MANBA: variants seen among roughly 807,000 people sequenced by gnomAD.
MANBA encodes beta-mannosidase.
In MANBA, 83 loss-of-function variants were observed where a neutral mutation model predicts 111.1. That is an observed-to-expected ratio of 0.75 (90% CI 0.63 to 0.90). The LOEUF (loss-of-function observed/expected upper bound fraction) is 0.90. Ranked by LOEUF, MANBA falls within the 40% of genes least tolerant of loss-of-function variation. The pLI is 0.00. For missense variants in MANBA, 1,036 were observed against 1,069.0 expected (o/e 0.97, Z 0.43); for synonymous variants, 370 against 378.7 (o/e 0.98, Z 0.27).
At chr4:102,661,591 A>C (rs1463992787) in intron 11 of MANBA, among the ~76,000 whole-genome samples, 1 of 152,254 alleles carries the variant, frequency 6.6e-6, no homozygotes, top group African/African-American at 2.4e-5. Context: ...TTGATTGATC[A>C]AGCTTGACAG....
chr4:102,752,403 T>C, intron 1 of MANBA: 1 of 1,072,632 alleles, frequency 9.3e-7, no homozygotes, highest in Non-Finnish European at 1.5e-6. Flanking sequence ...TAACTTCAAA[T>C]ACAGGTTGCG....
At chr4:102,760,236 T>A (rs1180125100) in intron 1 of MANBA, among the ~76,000 whole-genome samples, 1 of 152,218 alleles carries the variant, frequency 6.6e-6, no homozygotes, top group African/African-American at 2.4e-5. Context: ...CCACAACGTC[T>A]GTGCTGCGTC....
intron 7 of MANBA, among the ~76,000 whole-genome samples, chr4:102,687,809 C>G (rs1301112926): frequency 6.6e-6 from 1 of 152,158 alleles, no homozygotes; most frequent in Non-Finnish European, 1.5e-5. Context: ...AGTCACAGCT[C>G]TATCACCAGC....
rs779484986 is a variant in MANBA, at chr4:102,632,247, A to G, written c.2450T>C (p.Phe817Ser). The G allele has an allele frequency of 2.5e-6, 4 of 1,613,642 alleles. No homozygotes were observed. The highest frequency in any genetic ancestry group is 2.2e-5 in the East Asian group (1 of 44,872). Residue 817 changes from phenylalanine (F) to serine (S), a missense_variant, in exon 17 of 17, where the codon TTT becomes TCT. Coordinates refer to ENST00000647097, the MANE Select transcript of MANBA (RefSeq NM_005908.4). ...AGCGACAGCTGAGGTCTCCAGGTCA[A>G]AAACAAATATGTCACCTTGCTGAGA... The part of the protein sequence containing the change: ...IISQQGDIFV[F>S]DLETSAVAPF...
At chr4:102,714,874 A>G (rs1722253672) in intron 4 of MANBA, among the ~76,000 whole-genome samples, 1 of 152,154 alleles carries the variant, frequency 6.6e-6, no homozygotes, top group African/African-American at 2.4e-5. Context: ...CCCCTTCTTA[A>G]AAGGACACTA....
chr4:102,724,968 G>A (rs1722738327), intron 2 of MANBA, among the ~76,000 whole-genome samples: 1 of 152,164 alleles, frequency 6.6e-6, no homozygotes, highest in Admixed American at 6.5e-5. Context: ...AGTGAAAGAG[G>A]CGGTCACAAA....
At chr4:102,711,930 A>T (rs1722085469) in intron 5 of MANBA, among the ~76,000 whole-genome samples, 1 of 152,188 alleles carries the variant, frequency 6.6e-6, no homozygotes, top group Admixed American at 6.6e-5. Context: ...GGCAGAGAGG[A>T]ATGAAGAAAG....
At chr4:102,754,094 T>C (rs180975418) in intron 1 of MANBA, 141 of 272,944 alleles carry the variant, frequency 5.2e-4, no homozygotes, top group African/African-American at 3.1e-3. Context: ...AATAAACTTA[T>C]GAAATAAACG....
intron 7 of MANBA, among the ~76,000 whole-genome samples, chr4:102,678,430 G>T (rs1295014332): frequency 6.7e-6 from 1 of 149,656 alleles, no homozygotes; most frequent in African/African-American, 2.6e-5. Context: ...GAAAATAATG[G>T]GTTCTAAAAG....
chr4:102,657,848 G>C lies in MANBA; in HGVS notation c.1538C>G (p.Thr513Ser). Residue 513 changes from threonine to serine, a missense_variant, in exon 12 of 17, where the codon ACT becomes AGT. By Grantham distance (58) the Thr-to-Ser change is moderately conservative (BLOSUM62 1). Coordinates refer to ENST00000647097, the MANE Select transcript of MANBA (RefSeq NM_005908.4). The stretch of plus-strand genomic sequence containing the variant: ...TTGAGAGACCCAGGCTTCTGCAACA[G>C]TTTCAGCCCCATTTGTAGGACTGGA... ...ITSSPTNGAE[T>S]VAEAWVSQNP... 2 of 1,613,934 alleles carry C rather than the reference G, an allele frequency of 1.2e-6. No homozygotes were observed. The highest frequency in any genetic ancestry group is 1.7e-6 in the Non-Finnish European group (2 of 1,179,836).
intron 15 of MANBA, 74 bp downstream of exon 15, chr4:102,635,791 A>G: frequency 6.8e-7 from 1 of 1,460,874 alleles, no homozygotes; most frequent in Non-Finnish European, 9.6e-7. Context: ...TTTTCCCAAA[A>G]GAATGTAACC....
At chr4:102,735,130 C>T (rs574646383) in intron 1 of MANBA, among the ~76,000 whole-genome samples, 47 of 152,264 alleles carry the variant, frequency 3.1e-4, no homozygotes, top group Non-Finnish European at 5.7e-4. Flanking sequence ...TTAGTGATCC[C>T]ACTAGCTGCG....
chr4:102,671,856 C>T (rs1731513624), intron 8 of MANBA: 3 of 429,170 alleles, frequency 7.0e-6, no homozygotes, highest in South Asian at 1.7e-4. Flanking sequence ...TTTCCAATTC[C>T]TATTCACATT....
chr4:102,731,854 C>G (rs1014784625), intron 1 of MANBA, among the ~76,000 whole-genome samples: 5 of 151,822 alleles, frequency 3.3e-5, no homozygotes, highest in South Asian at 2.1e-4. Context: ...AGACCCAAGT[C>G]TGCCTCTTCA....
intron 5 of MANBA, among the ~76,000 whole-genome samples, chr4:102,697,525 A>T (rs1261259307): frequency 1.8e-5 from 2 of 108,436 alleles, no homozygotes; most frequent in African/African-American, 3.6e-5. Context: ...ACCCCACAAC[A>T]GTCCCCAGAG....
At position 102,749,961 on chromosome 4, in the gene MANBA, C is replaced by A. The variant is rs111474781; in HGVS notation, c.177+10757G>T. On this transcript the variant is annotated intron_variant, in intron 1 of 16. Transcript: ENST00000647097. Reference sequence around the variant, plus strand: ...ACCCTAAATACACCTCATGTGGCATCAAACAAGAAAGTATATGTCCAGGTT... The same window carrying A: ...ACCCTAAATACACCTCATGTGGCATAAAACAAGAAAGTATATGTCCAGGTT... Among the ~76,000 whole-genome samples, 442 of 152,288 alleles carry A rather than the reference C, an allele frequency of 2.9e-3. 5 individuals are homozygous for A. Among genetic ancestry groups the A allele is most frequent in the Middle Eastern group, 0.017 (5 of 294 alleles).
rs1205181630 is a variant in MANBA, at chr4:102,657,769, A to G, written c.1617T>C (p.Asp539=). 6.2e-7 allele frequency: 1 copy of G among 1,613,898 alleles called. No individual in the cohort carries two copies. The highest frequency in any genetic ancestry group is 8.5e-7 in the Non-Finnish European group (1 of 1,179,776). Residue 539 remains aspartate, a synonymous_variant, in exon 12 of 17, where the codon GAT becomes GAC. Transcript: ENST00000647097. ...GDVHFYDYIS[D]CWNWKVFPKA... The stretch of plus-strand genomic sequence containing the variant: ...TTGGGAAAACTTTCCAGTTCCAGCA[A>G]TCACTGATATAGTCATAAAAATGTA...
chr4:102,640,297 A>G (rs1729824312), intron 13 of MANBA, among the ~76,000 whole-genome samples: 1 of 152,222 alleles, frequency 6.6e-6, no homozygotes, highest in Admixed American at 6.5e-5. Flanking sequence ...TAAGAAAAAT[A>G]ACATTGTTAT....
At chr4:102,724,533 A>G (rs1722719656) in intron 2 of MANBA, among the ~76,000 whole-genome samples, 1 of 125,348 alleles carries the variant, frequency 8.0e-6, no homozygotes, top group South Asian at 2.6e-4. Context: ...CACTTGCAAG[A>G]TTCCGTCTCA....
Sources: gnomAD v4.1 joint callset for allele counts (sites outside exome capture counted in the v4.1 genomes callset) on GRCh38, gnomAD v4.1.1 for gene constraint, MANE v1.5 for transcripts, NCBI Gene and HGNC (gene_info 2026-07-23, HGNC 2026-07-21) for gene names.